Variants in KIAA0825 observed in about 807,000 individuals in gnomAD.
The protein encoded by KIAA0825 is KIAA0825.
KIAA0825 carries 119 observed loss-of-function variants against 147.6 expected under a neutral mutation model. The ratio of observed to expected loss-of-function variants is 0.81; its 90% CI spans 0.69 to 0.94. The LOEUF (loss-of-function observed/expected upper bound fraction) is 0.94. Among genes scored for constraint, KIAA0825 ranks in the 40% least tolerant of loss-of-function variants. KIAA0825 has a pLI of 0.00. For missense variants in KIAA0825, 1,381 were observed against 1,472.7 expected (o/e 0.94, Z 1.02); for synonymous variants, 470 against 518.1 (o/e 0.91, Z 1.26).
At position 94,520,539 on chromosome 5, in the gene KIAA0825, A is replaced by C; in HGVS notation, c.679T>G (p.Cys227Gly). ...NKLLANLLWN[C>G]FPSYNRDSNL... ...GAATCTCTGTTGTAAGAAGGAAAGC[A>C]GTTCCACAGAAGATTAGCCAACAGT... Residue 227 changes from cysteine to glycine, a missense_variant, in exon 5 of 21, where the codon TGC (cysteine) becomes GGC (glycine). By Grantham distance (159) the Cys-to-Gly change is radical. Transcript: ENST00000682413. 6.2e-7 allele frequency: 1 copy of C among 1,613,294 alleles called. No homozygotes were observed. The highest frequency in any genetic ancestry group is 1.1e-5 in the South Asian group (1 of 91,064).
At chr5:94,519,678 T>C (rs913574606) in intron 5 of KIAA0825, 2 of 685,558 alleles carry the variant, frequency 2.9e-6, no homozygotes, top group Admixed American at 6.3e-5. Context: ...TAGTTGCTCA[T>C]TATTAGAATT....
intron 20 of KIAA0825, among the ~76,000 whole-genome samples, chr5:94,193,336 T>C (rs1770844068): frequency 6.6e-6 from 1 of 152,138 alleles, no homozygotes. Context: ...TAATAATGGC[T>C]GTTAATTATT....
At position 94,417,740 on chromosome 5, in the gene KIAA0825, A is replaced by T. The variant is rs567361911; in HGVS notation, c.2498-375T>A. Among the ~76,000 whole-genome samples, 141 of 152,168 alleles carry T rather than the reference A, an allele frequency of 9.3e-4. 2 individuals are homozygous for T. The South Asian group carries it at 0.028, about 30-fold the overall frequency. On this transcript the variant is annotated intron_variant, in intron 14 of 20. Coordinates refer to ENST00000682413, the MANE Select transcript of KIAA0825 (RefSeq NM_001145678.3). ...AATAATAGACATTCATTCTAAAAAA[A>T]TTTTTTTGTAATCTGGACAACTAGG...
At chr5:94,465,715 G>A (rs1430506328) in intron 10 of KIAA0825, among the ~76,000 whole-genome samples, 2 of 152,130 alleles carry the variant, frequency 1.3e-5, no homozygotes, top group Non-Finnish European at 2.9e-5. Flanking sequence ...TCATTTCTTA[G>A]TATTTTTATG....
At chr5:94,204,392 G>A (rs1019753520) in intron 20 of KIAA0825, among the ~76,000 whole-genome samples, 2 of 152,140 alleles carry the variant, frequency 1.3e-5, no homozygotes, top group African/African-American at 4.8e-5. Flanking sequence ...GGATAAGAGA[G>A]CCATGGATTA....
At chr5:94,570,007 C>G (rs185937945) in intron 2 of KIAA0825, 1 of 152,844 alleles carries the variant, frequency 6.5e-6, no homozygotes, top group African/African-American at 2.4e-5. Flanking sequence ...TTCCATACAT[C>G]GGAACAGACC....
At chr5:94,352,397 A>G (rs1031839271) in intron 20 of KIAA0825, among the ~76,000 whole-genome samples, 8 of 152,214 alleles carry the variant, frequency 5.3e-5, no homozygotes, top group African/African-American at 1.9e-4. Context: ...AAGAATGACT[A>G]TAATAAAAAA....
chr5:94,537,117 C>T lies in KIAA0825; in HGVS notation c.10G>A (p.Asp4Asn), dbSNP rs999375561. The T allele has an allele frequency of 1.9e-6, 3 of 1,610,094 alleles. No individual in the cohort carries two copies. The highest frequency in any genetic ancestry group is 2.5e-6 in the Non-Finnish European group (3 of 1,178,386). MDW[D>N]DEYSHNSFDL... ...AAAGAATTATGAGAATATTCATCAT[C>T]CCAATCCATTCTGAGGAGCAAGAAT... is the stretch of plus-strand genomic sequence containing the variant. The change falls in exon 3 of 21, where the codon GAT (aspartate) becomes AAT (asparagine). Residue 4 changes from aspartate (D) to asparagine (N), a missense_variant. Coordinates refer to ENST00000682413, the MANE Select transcript of KIAA0825 (RefSeq NM_001145678.3).
At chr5:94,448,117 G>A (rs370548100) in intron 13 of KIAA0825, among the ~76,000 whole-genome samples, 82 of 151,158 alleles carry the variant, frequency 5.4e-4, no homozygotes, top group African/African-American at 1.9e-3. Flanking sequence ...TATGGTATCT[G>A]TGTTAACCTT....
At chr5:94,320,901 T>C (rs1780121242) in intron 20 of KIAA0825, among the ~76,000 whole-genome samples, 1 of 152,112 alleles carries the variant, frequency 6.6e-6, no homozygotes, top group Non-Finnish European at 1.5e-5. Context: ...CCAGCCTGAT[T>C]CTTCAAAAGC....
chr5:94,282,295 A>AT (rs553277797), intron 20 of KIAA0825, among the ~76,000 whole-genome samples: 12 of 151,910 alleles, frequency 7.9e-5, no homozygotes, highest in East Asian at 3.9e-4. Context: ...TTCCAGGTGG[A>AT]TTTTTTTTAT....
intron 20 of KIAA0825, among the ~76,000 whole-genome samples, chr5:94,196,212 T>G (rs1771113492): frequency 6.6e-6 from 1 of 152,168 alleles, no homozygotes; most frequent in Non-Finnish European, 1.5e-5. Flanking sequence ...TGGCTTAATT[T>G]TGCACACTAC....
intron 20 of KIAA0825, among the ~76,000 whole-genome samples, chr5:94,351,341 C>T (rs1783642482): frequency 6.6e-6 from 1 of 151,820 alleles, no homozygotes; most frequent in Admixed American, 6.6e-5. Context: ...AAAACAACAA[C>T]AACAACAACA....
chr5:94,396,727 T>C (rs1012407238), intron 16 of KIAA0825, among the ~76,000 whole-genome samples: 10 of 152,028 alleles, frequency 6.6e-5, no homozygotes, highest in Admixed American at 4.6e-4. Flanking sequence ...CATAAATGAT[T>C]AGAAAATTTA....
chr5:94,402,829 T>C (rs1751560332), intron 16 of KIAA0825, among the ~76,000 whole-genome samples: 1 of 150,044 alleles, frequency 6.7e-6, no homozygotes, highest in African/African-American at 2.5e-5. Context: ...AAAGTTTTAT[T>C]TTAAATAATC....
intron 16 of KIAA0825, among the ~76,000 whole-genome samples, chr5:94,402,338 T>C (rs1751493475): frequency 6.6e-6 from 1 of 152,158 alleles, no homozygotes; most frequent in East Asian, 1.9e-4. Flanking sequence ...ATGTTAACTA[T>C]AAATCATGCC....
rs181884963 is a variant in KIAA0825 at position 94,428,783 on chromosome 5, G to A, written c.2497+11199C>T. Among the ~76,000 whole-genome samples, 27 of 152,248 alleles carry A rather than the reference G, an allele frequency of 1.8e-4. No individual in the cohort carries two copies. The South Asian group carries it at 3.1e-3, about 18-fold the overall frequency. On this transcript the variant is annotated intron_variant, in intron 14 of 20. Transcript: ENST00000682413. The stretch of plus-strand genomic sequence containing the variant: ...AGGTGATCTTGAATTATTCCCTCAA[G>A]TACATTTTCCAGGTTGTTTACTTTT...
Position 94,582,991 on chromosome 5 carries a change from A to G in KIAA0825, c.-152-408T>C, listed in dbSNP as rs551516977. 2.4e-4 allele frequency among the ~76,000 whole-genome samples: 36 copies of G among 152,270 alleles called. No individual in the cohort carries two copies. The South Asian group carries it at 6.4e-3, about 27-fold the overall frequency. ...ACTATTTGCTCCAAATTATTTATTA[A>G]AACCGTCTTTTCCCCATTCTTCTGG... On this transcript the variant is annotated intron_variant, in intron 1 of 20. Coordinates refer to ENST00000682413, the MANE Select transcript of KIAA0825 (RefSeq NM_001145678.3).
At chr5:94,618,141 A>T (rs1458675685) in intron 1 of KIAA0825, 1 of 152,316 alleles carries the variant, frequency 6.6e-6, no homozygotes, top group Admixed American at 6.5e-5. Flanking sequence ...AACAGTACTC[A>T]GGAATCAAGA....
Sources: allele counts gnomAD v4.1 joint callset (sites outside exome capture counted in the v4.1 genomes callset), GRCh38; gene constraint gnomAD v4.1.1; transcripts MANE v1.5; gene names NCBI Gene and HGNC (gene_info 2026-07-23, HGNC 2026-07-21).